The following NRIP1 variants were observed in gnomAD, a reference collection of about 807,000 sequenced individuals.
The protein encoded by NRIP1 is nuclear receptor-interacting protein 1.
NRIP1 carries 28 observed loss-of-function variants against 75.0 expected under a neutral mutation model. The observed-to-expected ratio is 0.37, with a 90% CI of 0.28 to 0.51. The LOEUF (loss-of-function observed/expected upper bound fraction) is 0.51, where lower values mean the gene tolerates loss of function less well. NRIP1 is among the 20% of genes least tolerant of loss of function. The probability of loss-of-function intolerance (pLI) is 0.92; values close to 1 mark genes in which losing one functional copy is unlikely to be tolerated. For synonymous variants in NRIP1, 526 were observed against 487.6 expected (o/e 1.08, Z -1.04); for missense variants, 1,435 against 1,343.7 (o/e 1.07, Z -1.06).
chr21:14,967,040 TAAG>T lies in NRIP1; in HGVS notation c.1150_1152del (p.Leu384del), dbSNP rs1359379454. 2 of 1,614,066 alleles carry T rather than the reference TAAG, an allele frequency of 1.2e-6. No individual in the cohort carries two copies. Among genetic ancestry groups the T allele is most frequent in the Non-Finnish European group, 1.7e-6 (2 of 1,180,024 alleles). On this transcript the variant is annotated inframe_deletion, in exon 4 of 4. Coordinates refer to ENST00000318948, the MANE Select transcript of NRIP1 (RefSeq NM_003489.4). ...ATTGGCTTAGGTATAGTCTGGCTTT[TAAG>T]AAGATGTAAAAGCAAACTATTGTTA...
intron 1 of NRIP1, among the ~76,000 whole-genome samples, chr21:15,061,570 C>T (rs924238300): frequency 3.9e-5 from 6 of 152,104 alleles, no homozygotes; most frequent in East Asian, 1.9e-4. Flanking sequence ...ATCTCAAATG[C>T]GAAAAGCAAA....
At chr21:15,014,703 A>G (rs373193487) in intron 2 of NRIP1, among the ~76,000 whole-genome samples, 55 of 152,302 alleles carry the variant, frequency 3.6e-4, no homozygotes, top group African/African-American at 1.3e-3. Flanking sequence ...TAAGCTGTGA[A>G]AAAGGTTTAT....
intron 1 of NRIP1, among the ~76,000 whole-genome samples, chr21:15,063,908 C>G (rs1978578447): frequency 6.6e-6 from 1 of 152,242 alleles, no homozygotes; most frequent in South Asian, 2.1e-4. Context: ...ACATGTGTCA[C>G]AGACTCCCAG....
Position 14,965,972 on chromosome 21 carries a change from G to A in NRIP1, c.2221C>T (p.His741Tyr). The change falls in exon 4 of 4, where the codon CAC (histidine) becomes TAC (tyrosine). Residue 741 changes from histidine (H) to tyrosine (Y), a missense_variant. Transcript: ENST00000318948. ...TGTTCACTTAAAGCTCTCTCTGAGT[G>A]TTCCTGAGTACTTTCATCTCTTAAG... ...TPLRDESTQE[H>Y]SERALSEQIL... 6.2e-7 allele frequency: 1 copy of A among 1,613,918 alleles called. No individual in the cohort carries two copies. Among genetic ancestry groups the A allele is most frequent in the Non-Finnish European group, 8.5e-7 (1 of 1,179,942 alleles).
intron 3 of NRIP1, among the ~76,000 whole-genome samples, chr21:14,987,257 T>C (rs995915267): frequency 1.3e-5 from 2 of 152,210 alleles, no homozygotes; most frequent in African/African-American, 4.8e-5. Context: ...GCCCCTGGGC[T>C]GAACAAATGT....
At chr21:15,013,478 C>T (rs2088157874) in intron 3 of NRIP1, among the ~76,000 whole-genome samples, 1 of 152,106 alleles carries the variant, frequency 6.6e-6, no homozygotes, top group African/African-American at 2.4e-5. Flanking sequence ...GCTGTATCTG[C>T]TCTCTCTCTT....
At chr21:14,986,248 TAACTA>T (rs1395500254) in intron 3 of NRIP1, among the ~76,000 whole-genome samples, 12 of 152,230 alleles carry the variant, frequency 7.9e-5, no homozygotes, top group Admixed American at 2.0e-4. Context: ...AACAGTATCT[TAACTA>T]AAGTGATTAA....
chr21:15,031,423 A>G (rs866313394), intron 2 of NRIP1, among the ~76,000 whole-genome samples: 55 of 81,920 alleles, frequency 6.7e-4, no homozygotes, highest in Middle Eastern at 0.01. Context: ...TTCTATGTGT[A>G]TACACTCTGG....
chr21:14,997,082 C>T lies in NRIP1; in HGVS notation c.-335+17262G>A, dbSNP rs1324289360. ...AGCACTGTGTTAACTGCTCTTCATT[C>T]GGCATTCAGACTTTTAAAGTCAGAT... On this transcript the variant is annotated intron_variant, in intron 3 of 3. Coordinates refer to ENST00000318948, the MANE Select transcript of NRIP1 (RefSeq NM_003489.4). Among the ~76,000 whole-genome samples the T allele has an allele frequency of 2.0e-5, 3 of 152,050 alleles. No homozygotes were observed. The South Asian group carries it at 6.2e-4, about 31-fold the overall frequency.
At chr21:14,993,914 A>G (rs1238136735) in intron 3 of NRIP1, among the ~76,000 whole-genome samples, 1 of 152,208 alleles carries the variant, frequency 6.6e-6, no homozygotes, top group Non-Finnish European at 1.5e-5. Flanking sequence ...AAGTATCTTG[A>G]ACAATTTTCG....
chr21:15,011,410 C>T (rs2088099251), intron 3 of NRIP1, among the ~76,000 whole-genome samples: 1 of 152,116 alleles, frequency 6.6e-6, no homozygotes, highest in Non-Finnish European at 1.5e-5. Flanking sequence ...AGGATGGTCT[C>T]GATCTCCTGA....
chr21:15,064,474 G>C (rs945635565), intron 1 of NRIP1, among the ~76,000 whole-genome samples: 1 of 152,172 alleles, frequency 6.6e-6, no homozygotes, highest in South Asian at 2.1e-4. Context: ...CGCGACGGCC[G>C]CCCCCTTGCC....
chr21:15,026,135 G>A (rs2088513866), intron 2 of NRIP1, among the ~76,000 whole-genome samples: 1 of 152,090 alleles, frequency 6.6e-6, no homozygotes, highest in Non-Finnish European at 1.5e-5. Flanking sequence ...CCACTGTATT[G>A]TACGTGTAAC....
At chr21:15,028,893 T>C (rs551810052) in intron 2 of NRIP1, among the ~76,000 whole-genome samples, 37 of 152,178 alleles carry the variant, frequency 2.4e-4, no homozygotes, top group Non-Finnish European at 1.2e-4. Flanking sequence ...CATTTGGAGG[T>C]CTCCAAGCAT....
At chr21:15,006,378 G>T (rs554475416) in intron 3 of NRIP1, among the ~76,000 whole-genome samples, 2 of 152,100 alleles carry the variant, frequency 1.3e-5, no homozygotes, top group Non-Finnish European at 2.9e-5. Flanking sequence ...GCTAAAGTAG[G>T]CAAATGTTTA....
Position 14,965,143 on chromosome 21 carries a change from T to G in NRIP1, c.3050A>C (p.His1017Pro). 1 of 1,613,070 alleles carries G rather than the reference T, an allele frequency of 6.2e-7. No individual in the cohort carries two copies. The highest frequency in any genetic ancestry group is 8.5e-7 in the Non-Finnish European group (1 of 1,179,914). ...TGGTCTAGACCCTGCACAGCCCAAG[T>G]GCTCAGGGAAAGTAGGACTCACAGG... Reference protein sequence around the residue: ...KTPVSPTFPEHLGCAGSRPES... With the variant: ...KTPVSPTFPEPLGCAGSRPES... Residue 1017 changes from histidine (H) to proline (P), a missense_variant, in exon 4 of 4, where the codon CAC (histidine) becomes CCC (proline). Physicochemically the swap from His to Pro is moderately conservative, Grantham distance 77 (BLOSUM62 -2). Transcript: ENST00000318948.
rs1056749910 is a variant in NRIP1, at chr21:14,965,210, T to C, written c.2983A>G (p.Met995Val). ...MYSSTQPSSC[M>V]DNRTFSYPGV... The stretch of plus-strand genomic sequence containing the variant: ...GGGTATGAAAATGTCCTGTTATCCA[T>C]GCAACTGCTGGGCTGAGTGGAACTG... The change falls in exon 4 of 4, where the codon ATG (methionine) becomes GTG (valine). Residue 995 changes from methionine to valine, a missense_variant. Coordinates refer to ENST00000318948, the MANE Select transcript of NRIP1 (RefSeq NM_003489.4). 1.2e-6 allele frequency: 2 copies of C among 1,613,820 alleles called. No homozygotes were observed. Among genetic ancestry groups the C allele is most frequent in the Admixed American group, 1.7e-5 (1 of 59,942 alleles).
chr21:14,990,931 C>T (rs910013853), intron 3 of NRIP1, among the ~76,000 whole-genome samples: 4 of 152,104 alleles, frequency 2.6e-5, no homozygotes, highest in Non-Finnish European at 5.9e-5. Flanking sequence ...AGAAGGGTTA[C>T]CCTAGGTCAG....
intron 1 of NRIP1, among the ~76,000 whole-genome samples, chr21:15,047,507 T>G (rs889862706): frequency 1.3e-5 from 2 of 152,166 alleles, no homozygotes; most frequent in Admixed American, 6.5e-5. Context: ...GCCACTGCAC[T>G]CCAGCCTGGG....
Sources: gnomAD v4.1 joint callset for allele counts (sites outside exome capture counted in the v4.1 genomes callset) on GRCh38, gnomAD v4.1.1 for gene constraint, MANE v1.5 for transcripts, NCBI Gene and HGNC (gene_info 2026-07-23, HGNC 2026-07-21) for gene names.